LMBR1: variants seen among roughly 807,000 people sequenced by gnomAD.
The protein encoded by LMBR1 is limb development membrane protein 1, also known as limb region 1 protein homolog.
Under a neutral mutation model 73.9 loss-of-function variants are expected in LMBR1, and 52 were observed. The observed-to-expected ratio is 0.70, with a 90% CI of 0.56 to 0.89. The LOEUF is 0.89. LMBR1 is among the 40% of genes least tolerant of loss of function. LMBR1 has a pLI of 0.00. For missense variants in LMBR1, 539 were observed against 579.8 expected, an observed-to-expected ratio of 0.93 and a Z score of 0.72; for synonymous variants, 215 against 209.4, an observed-to-expected ratio of 1.03 and a Z score of -0.23.
Position 156,798,213 on chromosome 7 carries a change from T to C in LMBR1, c.320-1721A>G, listed in dbSNP as rs73166152. Among the ~76,000 whole-genome samples the C allele has an allele frequency of 5.3e-3, 811 of 152,286 alleles. 7 individuals are homozygous for C. The highest frequency in any genetic ancestry group is 9.3e-3 in the Non-Finnish European group (633 of 68,022). On this transcript the variant is annotated intron_variant, in intron 4 of 16. Coordinates refer to ENST00000353442, the MANE Select transcript of LMBR1 (RefSeq NM_022458.4). ...ACGGGTCTGTAGACATTGGTAAGCATTAAATAATGCACGTACAACAACTGA... is the reference window on the plus strand; with the variant it reads ...ACGGGTCTGTAGACATTGGTAAGCACTAAATAATGCACGTACAACAACTGA...
rs1194019914 is a variant in LMBR1 at position 156,680,395 on chromosome 7, A to AGTGTGTGTGTGTGTGTGTGT, written c.*3682_*3683insACACACACACACACACACAC. On this transcript the variant is annotated 3_prime_UTR_variant, in exon 17 of 17. Coordinates refer to ENST00000353442, the MANE Select transcript of LMBR1 (RefSeq NM_022458.4). The stretch of plus-strand genomic sequence containing the variant: ...GAGAGACAGAGAGAGAGAGAGAGAG[A>AGTGTGTGTGTGTGTGTGTGT]GAGAGAGAGTGTGTGTGTGTGTGTG... 25 of 138,168 alleles carry AGTGTGTGTGTGTGTGTGTGT rather than the reference A, an allele frequency of 1.8e-4. No homozygotes were observed. The highest frequency in any genetic ancestry group is 5.5e-4 in the African/African-American group (19 of 34,392). 8.6% of individuals were successfully genotyped at this position (138,168 alleles called of 1,614,324 possible). A position where few individuals can be genotyped will look rare whatever the true frequency, so the allele number is the denominator to read the frequency against.
intron 8 of LMBR1, among the ~76,000 whole-genome samples, chr7:156,761,312 A>G (rs1822945383): frequency 6.6e-6 from 1 of 152,190 alleles, no homozygotes; most frequent in African/African-American, 2.4e-5. Context: ...TAAATATCTG[A>G]CAAAATAGAG....
intron 9 of LMBR1, among the ~76,000 whole-genome samples, chr7:156,744,161 C>T (rs1298981472): frequency 3.9e-5 from 6 of 152,130 alleles, no homozygotes; most frequent in African/African-American, 1.4e-4. Flanking sequence ...CTCCCACCTC[C>T]CGAGTAGCTG....
rs566571971 is a variant in LMBR1 at position 156,884,138 on chromosome 7, C to T, written c.66+8790G>A. On this transcript the variant is annotated intron_variant, in intron 1 of 16. Coordinates refer to ENST00000353442, the MANE Select transcript of LMBR1 (RefSeq NM_022458.4). ...TTGGATTTGTTTCTAATACATCATT[C>T]CACTAGAAGACTTTACAACCACGTG... Among the ~76,000 whole-genome samples, 3 of 152,316 alleles carry T rather than the reference C, an allele frequency of 2.0e-5. 1 individual carries two copies. The South Asian group carries it at 6.2e-4, about 32-fold the overall frequency.
In LMBR1 at chr7:156,892,974, A is replaced by G; in HGVS notation, c.20T>C (p.Val7Ala). The change falls in exon 1 of 17, where the codon GTG becomes GCG. Residue 7 changes from valine (V) to alanine (A), a missense_variant. Val to Ala is a moderately conservative substitution (Grantham distance 64). Transcript: ENST00000353442. ...GTGGAAGTGCTGCTCCCGCGCCGAC[A>G]CCTCGTCCTGCCCTTCCATCCTCCT... MEGQDE[V>A]SAREQHFHSQ... is the part of the protein sequence containing the mutation. The G allele has an allele frequency of 6.5e-7, 1 of 1,540,882 alleles. No individual in the cohort carries two copies. Among genetic ancestry groups the G allele is most frequent in the Non-Finnish European group, 8.7e-7 (1 of 1,151,238 alleles).
chr7:156,821,891 C>T (rs759935096), intron 4 of LMBR1, among the ~76,000 whole-genome samples: 4 of 152,210 alleles, frequency 2.6e-5, no homozygotes, highest in African/African-American at 9.6e-5. Context: ...GGCCTGGCTA[C>T]AGCCACTGCT....
chr7:156,841,737 G>A (rs1292641291), intron 1 of LMBR1, among the ~76,000 whole-genome samples: 3 of 152,158 alleles, frequency 2.0e-5, no homozygotes, highest in Admixed American at 2.0e-4. Context: ...TCTTGATGGA[G>A]TAGTGGAGGT....
intron 8 of LMBR1, among the ~76,000 whole-genome samples, chr7:156,760,086 G>A (rs757934559): frequency 3.9e-5 from 6 of 152,176 alleles, no homozygotes; most frequent in African/African-American, 1.2e-4. Context: ...GGTGACCAGC[G>A]AACAGATGTG....
At chr7:156,761,416 C>T (rs1041205312) in intron 8 of LMBR1, among the ~76,000 whole-genome samples, 6 of 152,088 alleles carry the variant, frequency 3.9e-5, no homozygotes, top group Admixed American at 6.5e-5. Context: ...GTAAAGTATG[C>T]TTCAATTAAT....
rs1815589248 is a variant in LMBR1, at chr7:156,725,675, A to G, written c.1067+89T>C. 1.1e-5 allele frequency: 15 copies of G among 1,331,710 alleles called. No individual in the cohort carries two copies. In the South Asian group the frequency reaches 1.9e-4, roughly 17 times the overall value. The allele number at this position is 1,331,710 out of a possible 1,614,324, so 82.5% of individuals were successfully genotyped here. Reference sequence around the variant, plus strand: ...AGACTAACCTGTTGTTTTCTCTTCTAGACAAGTGTCTTAGTAAATAACTAC... The same window carrying G: ...AGACTAACCTGTTGTTTTCTCTTCTGGACAAGTGTCTTAGTAAATAACTAC... On this transcript the variant is annotated intron_variant, in intron 13 of 16. Transcript: ENST00000353442.
At chr7:156,805,176 G>C (rs968377003) in intron 4 of LMBR1, among the ~76,000 whole-genome samples, 1 of 149,270 alleles carries the variant, frequency 6.7e-6, no homozygotes, top group Admixed American at 6.7e-5. Context: ...AGTCTATTCT[G>C]CTGATTTGAT....
Position 156,678,943 on chromosome 7 carries a change from TA to T in LMBR1, c.*5134del, listed in dbSNP as rs1804544820. ...TGGGACTGGAGGCATTTGATAAGAA[TA>T]AAGGTTATAATCTAGAATGAGGATA... On this transcript the variant is annotated 3_prime_UTR_variant, in exon 17 of 17. Coordinates refer to ENST00000353442, the MANE Select transcript of LMBR1 (RefSeq NM_022458.4). 1 of 152,156 alleles carries T rather than the reference TA, an allele frequency of 6.6e-6. No homozygotes were observed. The highest frequency in any genetic ancestry group is 1.5e-5 in the Non-Finnish European group (1 of 68,014). The allele number at this position is 152,156 out of a possible 1,614,324, so 9.4% of individuals were successfully genotyped here.
At chr7:156,781,827 A>G (rs1827180309) in intron 5 of LMBR1, among the ~76,000 whole-genome samples, 1 of 152,162 alleles carries the variant, frequency 6.6e-6, no homozygotes, top group African/African-American at 2.4e-5. Flanking sequence ...TTGTGGTGAA[A>G]TATGCATAAC....
chr7:156,816,646 C>T (rs1245942915), intron 4 of LMBR1, among the ~76,000 whole-genome samples: 1 of 152,000 alleles, frequency 6.6e-6, no homozygotes, highest in African/African-American at 2.4e-5. Flanking sequence ...TCAACTTACG[C>T]TAATCTAATA....
intron 16 of LMBR1, among the ~76,000 whole-genome samples, chr7:156,687,505 T>C (rs1343074806): frequency 2.0e-5 from 3 of 152,218 alleles, no homozygotes; most frequent in South Asian, 2.1e-4. Flanking sequence ...CATGTGACTC[T>C]TGGAACACAT....
chr7:156,727,849 C>T, intron 12 of LMBR1, 81 bp downstream of exon 12: 1 of 908,096 alleles, frequency 1.1e-6, no homozygotes, highest in Non-Finnish European at 1.7e-6. Flanking sequence ...TGAATGTTTT[C>T]ATTTGCTTAC....
At chr7:156,714,883 G>A (rs1299365671) in intron 15 of LMBR1, among the ~76,000 whole-genome samples, 2 of 152,064 alleles carry the variant, frequency 1.3e-5, no homozygotes, top group Non-Finnish European at 2.9e-5. Context: ...GCCACGCCAA[G>A]GAAACGGAGA....
At chr7:156,883,443 C>G (rs1183573363) in intron 1 of LMBR1, among the ~76,000 whole-genome samples, 5 of 152,230 alleles carry the variant, frequency 3.3e-5, no homozygotes, top group Admixed American at 3.3e-4. Context: ...GAAAAATTAT[C>G]TCAAATGTAA....
chr7:156,752,508 G>A (rs77653447), intron 9 of LMBR1, among the ~76,000 whole-genome samples: 2 of 152,326 alleles, frequency 1.3e-5, no homozygotes, highest in Non-Finnish European at 2.9e-5. Context: ...GGCACTAGGG[G>A]AGCGCTGGCA....
Sources: allele counts gnomAD v4.1 joint callset (sites outside exome capture counted in the v4.1 genomes callset), GRCh38; gene constraint gnomAD v4.1.1; transcripts MANE v1.5; gene names NCBI Gene and HGNC (gene_info 2026-07-23, HGNC 2026-07-21).